FURIN: variants seen among roughly 807,000 people sequenced by gnomAD.
FURIN encodes the protein furin, paired basic amino acid cleaving enzyme.
Under a neutral mutation model 89.2 loss-of-function variants are expected in FURIN, and 18 were observed. That is an observed-to-expected ratio of 0.20 (90% confidence interval 0.14 to 0.30). FURIN has a LOEUF of 0.30. Among genes scored for constraint, FURIN ranks in the 10% least tolerant of loss-of-function variants. FURIN has a pLI of 1.00. For missense variants in FURIN, 879 were observed against 1,100.5 expected, an observed-to-expected ratio of 0.80 and a Z score of 2.85; for synonymous variants, 508 against 466.4, an observed-to-expected ratio of 1.09 and a Z score of -1.15.
intron 9 of FURIN, 92 bp from the exon 10 acceptor site, chr15:90,879,351 GC>G: frequency 2.1e-6 from 2 of 936,218 alleles, no homozygotes; most frequent in Non-Finnish European, 3.5e-6. Flanking sequence ...CATCTGTGGT[GC>G]CCAGGGCCTG....
intron 11 of FURIN, 44 bp downstream of exon 11, chr15:90,879,818 G>C: frequency 6.2e-7 from 1 of 1,601,956 alleles, no homozygotes; most frequent in Non-Finnish European, 8.6e-7. Flanking sequence ...GAGTTAGGTA[G>C]AAGGCACTCT....
intron 13 of FURIN, 125 bp from the exon 14 acceptor site, chr15:90,880,566 G>C: frequency 2.9e-6 from 3 of 1,046,550 alleles, no homozygotes; most frequent in Admixed American, 2.7e-5. Flanking sequence ...AAGCCAGCAG[G>C]CACTTCTGGC....
chr15:90,878,842 G>C lies in FURIN; in HGVS notation c.919G>C (p.Gly307Arg). The C allele has an allele frequency of 6.2e-7, 1 of 1,611,916 alleles. No individual in the cohort carries two copies. Among genetic ancestry groups the C allele is most frequent in the Non-Finnish European group, 8.5e-7 (1 of 1,179,076 alleles). Reference sequence around the variant, plus strand: ...GGAACATGACAGCTGCAACTGCGACGGCTACACCAACAGTATCTACACGCT... The same window carrying C: ...GGAACATGACAGCTGCAACTGCGACCGCTACACCAACAGTATCTACACGCT... ...GREHDSCNCD[G>R]YTNSIYTLSI... Residue 307 changes from glycine (G) to arginine (R), a missense_variant, in exon 9 of 16, where the codon GGC becomes CGC. Transcript: ENST00000268171.
intron 13 of FURIN, 84 bp downstream of exon 13, chr15:90,880,357 CA>C: frequency 3.4e-6 from 4 of 1,163,062 alleles, no homozygotes; most frequent in East Asian, 2.5e-5. Flanking sequence ...TCACACGGCC[CA>C]GGGGGCACTG....
At chr15:90,878,494 T>G (rs1173777576) in intron 8 of FURIN, among the ~76,000 whole-genome samples, 190 bp downstream of exon 8, 1 of 152,084 alleles carries the variant, frequency 6.6e-6, no homozygotes, top group Non-Finnish European at 1.5e-5. Flanking sequence ...AAAAAACACA[T>G]TTTTTTTAGA....
At chr15:90,880,017 G>A (rs577961899) in intron 12 of FURIN, 33 bp downstream of exon 12, 1 of 1,607,894 alleles carries the variant, frequency 6.2e-7, no homozygotes, top group Non-Finnish European at 8.5e-7. Flanking sequence ...GAGGGGGCCA[G>A]TGGGACCTGA....
chr15:90,879,832 C>T (rs2031846853), intron 11 of FURIN, 35 bp from the exon 12 acceptor site: 2 of 1,606,700 alleles, frequency 1.2e-6, no homozygotes, highest in East Asian at 2.2e-5. Flanking sequence ...GCACTCTGTG[C>T]CTGACAGCTG....
chr15:90,877,101 A>G (rs1208027571), intron 5 of FURIN, 34 bp from the exon 6 acceptor site: 1 of 1,609,854 alleles, frequency 6.2e-7, no homozygotes, highest in Non-Finnish European at 8.5e-7. Flanking sequence ...CAGTGAGGTC[A>G]GCCTTCTCCT....
rs74543508 is a variant in FURIN at position 90,880,193 on chromosome 15, C to T, written c.1476C>T (p.Thr492=). The T allele has an allele frequency of 9.3e-6, 15 of 1,612,794 alleles. No individual in the cohort carries two copies. The East Asian group carries it at 3.3e-4, about 36-fold the overall frequency. ...TGGAGCACGCTCAGGCGCGGCTCAC[C>T]CTGTCCTATAATCGCCGTGGCGACC... ...TRLEHAQARL[T]LSYNRRGDLA... is the part of the protein sequence containing the mutation. The change falls in exon 13 of 16, where the codon ACC becomes ACT. Residue 492 remains threonine (T), a synonymous_variant. Coordinates refer to ENST00000268171, the MANE Select transcript of FURIN (RefSeq NM_002569.4).
intron 1 of FURIN, among the ~76,000 whole-genome samples, chr15:90,871,895 G>A (rs928086907): frequency 4.9e-4 from 74 of 151,370 alleles, no homozygotes; most frequent in African/African-American, 1.6e-3. Context: ...TGAGCGCGCC[G>A]GGCCCGTCTC....
At chr15:90,873,745 C>T (rs553971025) in intron 1 of FURIN, among the ~76,000 whole-genome samples, 19 of 152,242 alleles carry the variant, frequency 1.2e-4, no homozygotes, top group Non-Finnish European at 2.4e-4. Flanking sequence ...GCTGTGGTTC[C>T]GAGGCCTGCC....
intron 1 of FURIN, 123 bp downstream of exon 1, chr15:90,868,834 C>T (rs1386484942): frequency 6.6e-6 from 1 of 152,210 alleles, no homozygotes; most frequent in Non-Finnish European, 1.5e-5. Context: ...GCAAATGTGA[C>T]CCTTTCATTC....
In FURIN at chr15:90,882,016, C is replaced by T; in HGVS notation, c.*138C>T. ...GGTGGAGACTGCTTCCCATCCTACC[C>T]TCGGGCCCACCTGGCCACCTGAGGT... On this transcript the variant is annotated 3_prime_UTR_variant, in exon 16 of 16. Transcript: ENST00000268171. 1 of 670,402 alleles carries T rather than the reference C, an allele frequency of 1.5e-6. No individual in the cohort carries two copies. Among genetic ancestry groups the T allele is most frequent in the Non-Finnish European group, 2.6e-6 (1 of 391,014 alleles). 41.5% of individuals were successfully genotyped at this position (670,402 alleles called of 1,614,324 possible).
chr15:90,879,004 G>C, intron 9 of FURIN, 28 bp downstream of exon 9: 2 of 1,392,254 alleles, frequency 1.4e-6, no homozygotes, highest in Non-Finnish European at 2.0e-6. Flanking sequence ...GTGGGGGCTG[G>C]GGAGATGGGG....
Position 90,877,539 on chromosome 15 carries a change from G to T in FURIN, c.591G>T (p.Arg197=), listed in dbSNP as rs1341795759. The T allele has an allele frequency of 6.3e-7, 1 of 1,575,710 alleles. No individual in the cohort carries two copies. Among genetic ancestry groups the T allele is most frequent in the Non-Finnish European group, 8.6e-7 (1 of 1,160,372 alleles). The change falls in exon 7 of 16, where the codon CGG becomes CGT. Residue 197 remains arginine, a synonymous_variant. Transcript: ENST00000268171. ...TQMNDNRHGT[R]CAGEVAAVAN... ...TTGGCCCTGGCAGGCACGGCACACG[G>T]TGTGCGGGGGAAGTGGCTGCGGTGG...
In FURIN at chr15:90,881,602, G is replaced by A. The variant is rs1438764045; in HGVS notation, c.2109G>A (p.Arg703=). 6.2e-7 allele frequency: 1 copy of A among 1,604,928 alleles called. No individual in the cohort carries two copies. Residue 703 remains arginine, a synonymous_variant, in exon 16 of 16, where the codon CGG becomes CGA. Coordinates refer to ENST00000268171, the MANE Select transcript of FURIN (RefSeq NM_002569.4). This position sits in a 1 kb window ranked among gnomAD's most constrained non-coding sequence, Gnocchi z 4.3. ...CCCCGGAGGTGGAGGCGGGGCAACG[G>A]CTGCGGGCAGGGCTGCTGCCCTCAC... The part of the protein sequence containing the change: ...RLPPEVEAGQ[R]LRAGLLPSHL...
At chr15:90,877,506 C>T (rs1056915763) in intron 6 of FURIN, 21 bp from the exon 7 acceptor site, 19 of 1,548,128 alleles carry the variant, frequency 1.2e-5, no homozygotes, top group Non-Finnish European at 1.5e-5. Flanking sequence ...TCTACTCATG[C>T]TACGTGCTTG....
chr15:90,880,776 G>C lies in FURIN; in HGVS notation c.1642G>C (p.Val548Leu). 1 of 1,613,964 alleles carries C rather than the reference G, an allele frequency of 6.2e-7. No homozygotes were observed. The highest frequency in any genetic ancestry group is 8.5e-7 in the Non-Finnish European group (1 of 1,179,902). The change falls in exon 14 of 16, where the codon GTC becomes CTC. Residue 548 changes from valine to leucine, a missense_variant. Val to Leu is a conservative substitution (Grantham distance 32). This residue lies in a region of FURIN where 457 missense variants were observed against 490.7 expected (regional missense o/e 0.93). Coordinates refer to ENST00000268171, the MANE Select transcript of FURIN (RefSeq NM_002569.4). Reference protein sequence around the residue: ...SWDEDPSGEWVLEIENTSEAN... With the variant: ...SWDEDPSGEWLLEIENTSEAN... ...GGATGAGGATCCCTCTGGCGAGTGG[G>C]TCCTAGAGATTGAAAACACCAGCGA...
At chr15:90,875,233 C>T (rs2151221786) in intron 1 of FURIN, among the ~76,000 whole-genome samples, 1 of 152,144 alleles carries the variant, frequency 6.6e-6, no homozygotes, top group South Asian at 2.1e-4. Flanking sequence ...CGAGGTTGCA[C>T]CATGTTGGCC....
Sources: allele counts gnomAD v4.1 joint callset (sites outside exome capture counted in the v4.1 genomes callset), GRCh38; gene constraint gnomAD v4.1.1; regional missense constraint gnomAD v4.1.1; non-coding constraint Gnocchi (gnomAD v3.1); transcripts MANE v1.5; gene names NCBI Gene and HGNC (gene_info 2026-07-23, HGNC 2026-07-21).